The following SND1 variants were observed in gnomAD, a reference collection of about 807,000 sequenced individuals.
SND1 encodes staphylococcal nuclease domain-containing protein 1.
A neutral mutation model predicts 121.7 loss-of-function variants in SND1; 38 were observed. The observed-to-expected ratio is 0.31, with a 90% CI of 0.24 to 0.41. SND1 has a LOEUF of 0.41. SND1 is among the 10% of genes least tolerant of loss of function. The pLI, the probability that SND1 is intolerant of heterozygous loss-of-function variation, is 1.00. For missense variants in SND1, 868 were observed against 1,184.6 expected (o/e 0.73, Z 3.92); for synonymous variants, 401 against 447.4 (o/e 0.90, Z 1.31).
intron 12 of SND1, among the ~76,000 whole-genome samples, chr7:127,884,490 G>A (rs546945451): frequency 1.0e-3 from 158 of 152,244 alleles, no homozygotes; most frequent in Non-Finnish European, 1.8e-3. Context: ...GAGCGCAACA[G>A]AGATACTAAG....
intron 16 of SND1, among the ~76,000 whole-genome samples, chr7:128,044,318 G>T (rs535117273): frequency 6.6e-6 from 1 of 152,242 alleles, no homozygotes; most frequent in South Asian, 2.1e-4. Flanking sequence ...TATTCAGGCC[G>T]CATCCACAAA....
At chr7:128,087,525 A>G (rs914971847) in intron 21 of SND1, among the ~76,000 whole-genome samples, 1 of 152,208 alleles carries the variant, frequency 6.6e-6, no homozygotes, top group African/African-American at 2.4e-5. Context: ...AATGGGTGGG[A>G]GACAATTGTA....
intron 12 of SND1, chr7:127,857,990 G>T (rs996206794): frequency 2.1e-6 from 3 of 1,455,882 alleles, no homozygotes; most frequent in Non-Finnish European, 2.9e-6. Flanking sequence ...GGCCCATGCA[G>T]CTCGGCATCC....
At chr7:127,855,483 C>T (rs1799258197) in intron 12 of SND1, among the ~76,000 whole-genome samples, 1 of 151,268 alleles carries the variant, frequency 6.6e-6, no homozygotes, top group South Asian at 2.1e-4. Flanking sequence ...CTATTAGATA[C>T]TGTGTAATCA....
intron 10 of SND1, among the ~76,000 whole-genome samples, chr7:127,764,004 A>G (rs571503473): frequency 6.9e-6 from 1 of 144,210 alleles, no homozygotes; most frequent in Non-Finnish European, 1.5e-5. Flanking sequence ...GAGCCACTGC[A>G]CTCCAGCTGG....
chr7:128,040,434 C>CT (rs71522264), intron 16 of SND1, among the ~76,000 whole-genome samples: 3 of 47,650 alleles, frequency 6.3e-5, no homozygotes, highest in African/African-American at 1.0e-4. Context: ...AAGGTCCTAT[C>CT]TTTAAAAAAA....
At chr7:127,964,104 TG>T (rs1801800405) in intron 15 of SND1, among the ~76,000 whole-genome samples, 1 of 149,008 alleles carries the variant, frequency 6.7e-6, no homozygotes, top group Non-Finnish European at 1.5e-5. Context: ...TGGGGTTGTT[TG>T]TTTTTTTCTT....
intron 13 of SND1, among the ~76,000 whole-genome samples, chr7:127,889,554 A>G (rs534825931): frequency 1.3e-5 from 2 of 152,148 alleles, no homozygotes; most frequent in East Asian, 3.9e-4. Flanking sequence ...TGAAATGTAC[A>G]ATTAAATTAT....
intron 16 of SND1, among the ~76,000 whole-genome samples, chr7:128,043,308 T>C (rs1005992289): frequency 2.0e-5 from 3 of 152,186 alleles, no homozygotes; most frequent in African/African-American, 2.4e-5. Context: ...TTGAATTTAG[T>C]CCATCATAAA....
chr7:127,662,461 A>G (rs1357383790), intron 1 of SND1, among the ~76,000 whole-genome samples: 2 of 152,116 alleles, frequency 1.3e-5, no homozygotes, highest in Non-Finnish European at 2.9e-5. Context: ...GCACTGATTG[A>G]ACTGTATATC....
At chr7:127,878,082 T>A (rs1209280705) in intron 12 of SND1, among the ~76,000 whole-genome samples, 1 of 152,128 alleles carries the variant, frequency 6.6e-6, no homozygotes, top group East Asian at 1.9e-4. Context: ...ATTCTAACCA[T>A]GCATCCTTTT....
At chr7:127,713,397 T>C (rs1043090305) in intron 9 of SND1, among the ~76,000 whole-genome samples, 1 of 152,260 alleles carries the variant, frequency 6.6e-6, no homozygotes, top group Non-Finnish European at 1.5e-5. Flanking sequence ...ATTTAAAATA[T>C]CTGTTAGTGG....
At chr7:127,968,175 A>G (rs73721267) in intron 15 of SND1, among the ~76,000 whole-genome samples, 2,468 of 152,304 alleles carry the variant, frequency 0.016, 89 homozygotes, top group African/African-American at 0.056. Context: ...TGTCAGAACA[A>G]TGTTGCTTTT....
chr7:127,692,614 G>T (rs180745208), intron 2 of SND1: 101 of 152,354 alleles, frequency 6.6e-4, no homozygotes, highest in African/African-American at 2.0e-3. Flanking sequence ...GATGTGGTCA[G>T]TTGCTTTCCT....
chr7:127,903,761 G>T (rs1800280016), intron 13 of SND1, among the ~76,000 whole-genome samples: 1 of 152,172 alleles, frequency 6.6e-6, no homozygotes, highest in Non-Finnish European at 1.5e-5. Flanking sequence ...GTTCCTGAAA[G>T]GGAAGAGGTG....
chr7:127,723,018 A>C (rs988225187), intron 10 of SND1, among the ~76,000 whole-genome samples: 1 of 152,236 alleles, frequency 6.6e-6, no homozygotes, highest in Non-Finnish European at 1.5e-5. Context: ...TACAGTTGGA[A>C]TTAAGGTTCC....
chr7:127,944,468 G>A (rs542103105), intron 15 of SND1, among the ~76,000 whole-genome samples: 2 of 152,162 alleles, frequency 1.3e-5, no homozygotes, highest in Non-Finnish European at 1.5e-5. Flanking sequence ...CCTGCTCAAT[G>A]GCCCCGTTGT....
chr7:128,083,747 C>T (rs146621690), intron 18 of SND1, among the ~76,000 whole-genome samples: 21 of 152,212 alleles, frequency 1.4e-4, no homozygotes, highest in African/African-American at 3.6e-4. Flanking sequence ...GAGAGGAGCC[C>T]CACACTTAGA....
intron 14 of SND1, among the ~76,000 whole-genome samples, chr7:127,921,414 T>G (rs754330372): frequency 2.6e-5 from 4 of 152,186 alleles, no homozygotes; most frequent in Non-Finnish European, 5.9e-5. Flanking sequence ...GTGATCAAAG[T>G]AGATGATTTA....
Sources: gnomAD v4.1 joint callset for allele counts (sites outside exome capture counted in the v4.1 genomes callset) on GRCh38, gnomAD v4.1.1 for gene constraint, MANE v1.5 for transcripts, NCBI Gene and HGNC (gene_info 2026-07-23, HGNC 2026-07-21) for gene names.